Variants in METAP1D observed in about 807,000 individuals in gnomAD.
The protein encoded by METAP1D is methionine aminopeptidase 1D, mitochondrial.
A neutral mutation model predicts 40.5 loss-of-function variants in METAP1D; 31 were observed. The ratio of observed to expected loss-of-function variants is 0.77; its 90% CI spans 0.58 to 1.03. The LOEUF (loss-of-function observed/expected upper bound fraction) is 1.03, where lower values mean the gene tolerates loss of function less well. Among genes scored for constraint, METAP1D ranks in the 50% least tolerant of loss-of-function variants. The pLI is 0.00. For synonymous variants in METAP1D, 151 were observed against 146.4 expected (o/e 1.03, Z -0.22); for missense variants, 411 against 420.7 (o/e 0.98, Z 0.20).
At chr2:172,041,458 CAAAA>C (rs782636305) in intron 1 of METAP1D, among the ~76,000 whole-genome samples, 3 of 94,876 alleles carry the variant, frequency 3.2e-5, no homozygotes, top group Non-Finnish European at 5.0e-5. Flanking sequence ...GACTCTGTAT[CAAAA>C]AAAAAAAAAA....
At chr2:172,009,504 T>G (rs1349117167) in intron 1 of METAP1D, among the ~76,000 whole-genome samples, 1 of 152,148 alleles carries the variant, frequency 6.6e-6, no homozygotes, top group Non-Finnish European at 1.5e-5. Flanking sequence ...GGGTTTATTT[T>G]TAATTGTGTA....
intron 1 of METAP1D, among the ~76,000 whole-genome samples, chr2:172,059,495 A>C (rs973388499): frequency 4.6e-5 from 7 of 152,168 alleles, no homozygotes; most frequent in African/African-American, 7.2e-5. Context: ...CTCAGCTACC[A>C]CTGTAGCTCA....
At position 172,080,434 on chromosome 2, in the gene METAP1D, G is replaced by A. The variant is rs760524507; in HGVS notation, c.*28G>A. ...AGCCGCCCGAAGGTCGCGGTGACCT[G>A]GTGCCTTTTTAAATAAATTGCTGAA... is the stretch of plus-strand genomic sequence containing the variant. On this transcript the variant is annotated 3_prime_UTR_variant, in exon 10 of 10. Transcript: ENST00000315796. 1.9e-6 allele frequency: 3 copies of A among 1,609,980 alleles called. No homozygotes were observed. Among genetic ancestry groups the A allele is most frequent in the South Asian group, 2.2e-5 (2 of 90,966 alleles).
At chr2:172,008,888 A>T (rs938708350) in intron 1 of METAP1D, among the ~76,000 whole-genome samples, 1 of 152,178 alleles carries the variant, frequency 6.6e-6, no homozygotes, top group African/African-American at 2.4e-5. Context: ...GAAGCAGAGA[A>T]TGTGGATGAC....
chr2:172,071,076 C>T lies in METAP1D; in HGVS notation c.704+6C>T. 1 of 1,597,984 alleles carries T rather than the reference C, an allele frequency of 6.3e-7. No individual in the cohort carries two copies. Among genetic ancestry groups the T allele is most frequent in the Non-Finnish European group, 8.5e-7 (1 of 1,172,026 alleles). ...GTAATTGGAAACACAATCAGGTAAGCCTTACATTGACAAGTAAAGGGAGGG... is the reference window on the plus strand; with the variant it reads ...GTAATTGGAAACACAATCAGGTAAGTCTTACATTGACAAGTAAAGGGAGGG... On this transcript the variant is annotated splice_donor_region_variant and intron_variant, in intron 6 of 9. Coordinates refer to ENST00000315796, the MANE Select transcript of METAP1D (RefSeq NM_199227.3).
intron 1 of METAP1D, among the ~76,000 whole-genome samples, chr2:172,010,128 G>T (rs1198729538): frequency 6.6e-6 from 1 of 150,604 alleles, no homozygotes; most frequent in African/African-American, 2.4e-5. Flanking sequence ...TTGTGGAGGG[G>T]TTTTTTGTCC....
chr2:172,016,300 A>AT (rs1374272640), intron 1 of METAP1D, among the ~76,000 whole-genome samples: 9 of 40,054 alleles, frequency 2.2e-4, no homozygotes, highest in African/African-American at 6.9e-4. Context: ...AAAAAAAAAA[A>AT]ATATATATAT....
At chr2:172,066,662 A>G (rs1461982981) in intron 5 of METAP1D, among the ~76,000 whole-genome samples, 1 of 152,232 alleles carries the variant, frequency 6.6e-6, no homozygotes, top group Non-Finnish European at 1.5e-5. Flanking sequence ...CTAGATATGT[A>G]TGAGATGAGC....
At chr2:172,008,471 C>T (rs2105375067) in intron 1 of METAP1D, among the ~76,000 whole-genome samples, 1 of 152,242 alleles carries the variant, frequency 6.6e-6, no homozygotes, top group African/African-American at 2.4e-5. Flanking sequence ...CCATAGTCCC[C>T]CGCTTATCCA....
At chr2:172,006,183 T>C (rs1441258966) in intron 1 of METAP1D, among the ~76,000 whole-genome samples, 3 of 54,202 alleles carry the variant, frequency 5.5e-5, no homozygotes, top group Non-Finnish European at 1.0e-4. Context: ...ATTTATAGTT[T>C]TTGTTTTTTT....
intron 7 of METAP1D, 101 bp downstream of exon 7, chr2:172,077,995 C>G: frequency 3.4e-5 from 10 of 296,988 alleles, no homozygotes; most frequent in East Asian, 1.0e-4. Context: ...CATTATCAAC[C>G]TTGTGTTTGT....
At chr2:172,055,846 C>T (rs1574130713) in intron 1 of METAP1D, among the ~76,000 whole-genome samples, 1 of 152,292 alleles carries the variant, frequency 6.6e-6, no homozygotes, top group Admixed American at 6.5e-5. Context: ...AGGCTGTGTT[C>T]CTGACGTTTC....
At chr2:172,056,187 T>G (rs1176306770) in intron 1 of METAP1D, among the ~76,000 whole-genome samples, 1 of 152,098 alleles carries the variant, frequency 6.6e-6, no homozygotes, top group Non-Finnish European at 1.5e-5. Context: ...AGCATGACAA[T>G]CAGATGGTGC....
chr2:172,070,850 T>G, intron 5 of METAP1D, 57 bp from the exon 6 acceptor site: 1 of 1,445,046 alleles, frequency 6.9e-7, no homozygotes, highest in South Asian at 1.4e-5. Context: ...CAATGTATAC[T>G]TTAGGAAAGT....
At chr2:172,050,734 AT>A (rs984875608) in intron 1 of METAP1D, among the ~76,000 whole-genome samples, 1 of 152,134 alleles carries the variant, frequency 6.6e-6, no homozygotes, top group Non-Finnish European at 1.5e-5. Flanking sequence ...GTTTTGGTTC[AT>A]TTTAGTGTTG....
intron 1 of METAP1D, among the ~76,000 whole-genome samples, chr2:172,026,401 C>T (rs1689120790): frequency 6.6e-6 from 1 of 152,208 alleles, no homozygotes; most frequent in Admixed American, 6.5e-5. Context: ...TTTCAGGAGG[C>T]ACACGTTTGG....
In METAP1D at chr2:172,063,800, G is replaced by A; in HGVS notation, c.288G>A (p.Gly96=). ...TTAAGAATGAAGATCAGATTCAAGG[G>A]CTTCATCAGGCTTGTCAGCTGGCCC... ...IEVKNEDQIQ[G]LHQACQLARH... Residue 96 remains glycine, a synonymous_variant, in exon 3 of 10, where the codon GGG becomes GGA. Coordinates refer to ENST00000315796, the MANE Select transcript of METAP1D (RefSeq NM_199227.3). 1 of 1,614,014 alleles carries A rather than the reference G, an allele frequency of 6.2e-7. No individual in the cohort carries two copies. The highest frequency in any genetic ancestry group is 8.5e-7 in the Non-Finnish European group (1 of 1,179,958).
chr2:172,013,981 C>T (rs1243419286), intron 1 of METAP1D, among the ~76,000 whole-genome samples: 1 of 151,304 alleles, frequency 6.6e-6, no homozygotes, highest in African/African-American at 2.4e-5. Context: ...CCACCATGCC[C>T]AGCTAATTTT....
In METAP1D at chr2:172,051,165, A is replaced by G. The variant is rs149956630; in HGVS notation, c.41-10333A>G. On this transcript the variant is annotated intron_variant, in intron 1 of 9. Transcript: ENST00000315796. ...AATTAAACATTTCTATGTAACTTCT[A>G]CTTATCCACCAAATGATCAGCTTTT... Among the ~76,000 whole-genome samples, 53 of 152,304 alleles carry G rather than the reference A, an allele frequency of 3.5e-4. 1 individual carries two copies. The East Asian group carries it at 0.01, about 29-fold the overall frequency.
Sources: gnomAD v4.1 joint callset for allele counts (sites outside exome capture counted in the v4.1 genomes callset) on GRCh38, gnomAD v4.1.1 for gene constraint, MANE v1.5 for transcripts, NCBI Gene and HGNC (gene_info 2026-07-23, HGNC 2026-07-21) for gene names.